Variants in GRIN2A observed in about 807,000 individuals in gnomAD.
The protein encoded by GRIN2A is glutamate receptor ionotropic, NMDA 2A.
Under a neutral mutation model 113.4 loss-of-function variants are expected in GRIN2A, and 22 were observed. The ratio of observed to expected loss-of-function variants is 0.19; its 90% CI spans 0.14 to 0.28. GRIN2A has a LOEUF of 0.28. GRIN2A is among the 10% of genes least tolerant of loss of function. The pLI, the probability that GRIN2A is intolerant of heterozygous loss-of-function variation, is 1.00. For missense variants in GRIN2A, 1,502 were observed against 1,887.0 expected (o/e 0.80, Z 3.78); for synonymous variants, 827 against 738.4 (o/e 1.12, Z -1.94).
At chr16:10,127,896 G>GT (rs35532612) in intron 2 of GRIN2A, among the ~76,000 whole-genome samples, 1 of 81,604 alleles carries the variant, frequency 1.2e-5, no homozygotes, top group Non-Finnish European at 2.6e-5. Flanking sequence ...GGATAGGAGT[G>GT]TTTTTTTGCT....
Position 9,759,340 on chromosome 16 carries a change from A to T in GRIN2A, c.*3809T>A, listed in dbSNP as rs1188744968. ...TAGCAATTCTATTTGCAAATAATTC[A>T]GGGCATTTGTCATTTCCTGTGAAGG... On this transcript the variant is annotated 3_prime_UTR_variant, in exon 13 of 13. Transcript: ENST00000330684. The T allele has an allele frequency of 4.5e-6, 1 of 223,664 alleles. No homozygotes were observed. Among genetic ancestry groups the T allele is most frequent in the Non-Finnish European group, 8.9e-6 (1 of 112,112 alleles). The allele number at this position is 223,664 out of a possible 1,614,324, so 13.9% of individuals were successfully genotyped here.
intron 2 of GRIN2A, among the ~76,000 whole-genome samples, chr16:10,052,975 G>C (rs148152595): frequency 0.011 from 1,650 of 151,218 alleles, 36 homozygotes; most frequent in African/African-American, 0.038. Context: ...TTGATCCTGG[G>C]AGACAGAGGT....
intron 2 of GRIN2A, among the ~76,000 whole-genome samples, chr16:10,086,896 G>C (rs188309329): frequency 1.0e-3 from 159 of 152,316 alleles, no homozygotes; most frequent in East Asian, 2.5e-3. Context: ...GGATGATCCA[G>C]AATGAGCCCA....
At chr16:10,021,490 A>C (rs969287212) in intron 2 of GRIN2A, among the ~76,000 whole-genome samples, 6 of 152,190 alleles carry the variant, frequency 3.9e-5, no homozygotes, top group Non-Finnish European at 2.9e-5. Flanking sequence ...CCACTCAGTG[A>C]ACTGTGATAC....
chr16:9,953,427 G>C (rs913953245), intron 2 of GRIN2A, among the ~76,000 whole-genome samples: 2 of 152,202 alleles, frequency 1.3e-5, no homozygotes, highest in Admixed American at 6.5e-5. Flanking sequence ...GTGGAAGTGA[G>C]TATAGGTAGG....
chr16:9,901,289 A>AGTGG (rs1178335988), intron 3 of GRIN2A, among the ~76,000 whole-genome samples: 1 of 152,136 alleles, frequency 6.6e-6, no homozygotes, highest in African/African-American at 2.4e-5. Flanking sequence ...CTCTCTGTCC[A>AGTGG]GTGGGTGTCT....
At chr16:9,789,993 T>C (rs1318004465) in intron 11 of GRIN2A, among the ~76,000 whole-genome samples, 1 of 152,162 alleles carries the variant, frequency 6.6e-6, no homozygotes, top group Non-Finnish European at 1.5e-5. Context: ...ATGAAACTTG[T>C]CTACTGTTCT....
rs934583361 is a variant in GRIN2A at position 9,854,085 on chromosome 16, A to G, written c.1123-4124T>C. Among the ~76,000 whole-genome samples the G allele has an allele frequency of 3.9e-5, 6 of 152,304 alleles. No homozygotes were observed. The East Asian group carries it at 9.6e-4, about 24-fold the overall frequency. On this transcript the variant is annotated intron_variant, in intron 4 of 12. Coordinates refer to ENST00000330684, the MANE Select transcript of GRIN2A (RefSeq NM_001134407.3). ...ATGTCCACAGCTTCTAACTCAGGGC[A>G]TGCCACATGGAGGGACTTAATGGGT...
chr16:10,092,648 C>T (rs956459653), intron 2 of GRIN2A, among the ~76,000 whole-genome samples: 1 of 152,056 alleles, frequency 6.6e-6, no homozygotes, highest in African/African-American at 2.4e-5. Context: ...TCTATGAGGT[C>T]AGTTCTATTT....
intron 2 of GRIN2A, among the ~76,000 whole-genome samples, chr16:10,072,946 C>CTTTTTTTT: frequency 9.6e-6 from 1 of 104,230 alleles, no homozygotes; most frequent in Middle Eastern, 5.1e-3. Flanking sequence ...ACAAGACCCC[C>CTTTTTTTT]TTTTTTTTTT....
At chr16:9,840,275 G>A (rs112478673) in intron 7 of GRIN2A, among the ~76,000 whole-genome samples, 2,736 of 152,164 alleles carry the variant, frequency 0.018, 77 homozygotes, top group African/African-American at 0.058. Flanking sequence ...GAAGTGAAGC[G>A]AAGGGGGAAG....
intron 10 of GRIN2A, among the ~76,000 whole-genome samples, chr16:9,806,669 A>C (rs1295254858): frequency 6.6e-6 from 1 of 152,078 alleles, no homozygotes; most frequent in African/African-American, 2.4e-5. Flanking sequence ...GAGAAAGAGA[A>C]AGTGAGGAAG....
chr16:10,135,431 TCA>T lies in GRIN2A; in HGVS notation c.414+44565_414+44566del, dbSNP rs1218280239. On this transcript the variant is annotated intron_variant, in intron 2 of 12. Coordinates refer to ENST00000330684, the MANE Select transcript of GRIN2A (RefSeq NM_001134407.3). ...GAACTGTTAGCATTCGTATTTCCAC[TCA>T]CAGTCTGTTGAAGGATGTCTAGTCT... Among the ~76,000 whole-genome samples the T allele has an allele frequency of 2.0e-5, 3 of 152,354 alleles. No homozygotes were observed. The East Asian group carries it at 5.8e-4, about 29-fold the overall frequency.
chr16:10,002,325 T>G (rs1374543192), intron 2 of GRIN2A, among the ~76,000 whole-genome samples: 1 of 152,208 alleles, frequency 6.6e-6, no homozygotes, highest in African/African-American at 2.4e-5. Context: ...CAAAATGGGT[T>G]ATTGCCAATA....
At chr16:9,958,512 G>A (rs568820773) in intron 2 of GRIN2A, among the ~76,000 whole-genome samples, 1 of 152,032 alleles carries the variant, frequency 6.6e-6, no homozygotes, top group African/African-American at 2.4e-5. Flanking sequence ...ATTTTATCTG[G>A]CACAGTATGT....
chr16:9,933,285 T>G (rs2044638967), intron 3 of GRIN2A, among the ~76,000 whole-genome samples: 1 of 152,076 alleles, frequency 6.6e-6, no homozygotes, highest in African/African-American at 2.4e-5. Flanking sequence ...TACCTTCCCT[T>G]GCAAGCAGCC....
intron 2 of GRIN2A, among the ~76,000 whole-genome samples, chr16:9,979,895 T>C (rs982351588): frequency 2.0e-5 from 3 of 149,504 alleles, no homozygotes; most frequent in Admixed American, 6.7e-5. Flanking sequence ...AAAGTATATA[T>C]ACCCAAGATA....
intron 2 of GRIN2A, among the ~76,000 whole-genome samples, chr16:10,105,536 A>G (rs2048482775): frequency 6.6e-6 from 1 of 152,094 alleles, no homozygotes; most frequent in Non-Finnish European, 1.5e-5. Context: ...AATGCATTTG[A>G]GACCAGCCAT....
intron 2 of GRIN2A, among the ~76,000 whole-genome samples, chr16:9,973,291 A>G (rs1043554780): frequency 6.6e-6 from 1 of 152,178 alleles, no homozygotes; most frequent in African/African-American, 2.4e-5. Flanking sequence ...GAAAGGGCTA[A>G]TATCTCTTTG....
Sources: allele counts gnomAD v4.1 joint callset (sites outside exome capture counted in the v4.1 genomes callset), GRCh38; gene constraint gnomAD v4.1.1; transcripts MANE v1.5; gene names NCBI Gene and HGNC (gene_info 2026-07-23, HGNC 2026-07-21).